The following NR6A1 variants were observed in gnomAD, a reference collection of about 807,000 sequenced individuals.
The protein encoded by NR6A1 is nuclear receptor subfamily 6 group A member 1.
Under a neutral mutation model 59.1 loss-of-function variants are expected in NR6A1, and 7 were observed. The ratio of observed to expected loss-of-function variants is 0.12; its 90% CI spans 0.07 to 0.22. The LOEUF is 0.22. Ranked by LOEUF, NR6A1 falls within the 10% of genes least tolerant of loss-of-function variation. NR6A1 has a pLI of 1.00. For missense variants in NR6A1, 468 were observed against 611.6 expected, an observed-to-expected ratio of 0.77 and a Z score of 2.48; for synonymous variants, 243 against 236.1, an observed-to-expected ratio of 1.03 and a Z score of -0.27.
At chr9:124,723,067 T>C (rs55856148) in intron 2 of NR6A1, among the ~76,000 whole-genome samples, 1,805 of 152,188 alleles carry the variant, frequency 0.012, 39 homozygotes, top group African/African-American at 0.041. Flanking sequence ...TAGTGACATA[T>C]ACTATATATT....
intron 2 of NR6A1, among the ~76,000 whole-genome samples, chr9:124,640,242 C>T (rs548296359): frequency 2.6e-5 from 4 of 152,170 alleles, no homozygotes; most frequent in Non-Finnish European, 5.9e-5. Flanking sequence ...TCCTAATGCT[C>T]TTCAGATTCT....
intron 4 of NR6A1, 110 bp from the exon 5 acceptor site, chr9:124,540,297 C>T: frequency 1.7e-6 from 2 of 1,198,490 alleles, no homozygotes; most frequent in East Asian, 2.5e-5. Flanking sequence ...CCTAGGTTCC[C>T]TCTCCTCCAT....
At chr9:124,546,472 A>G (rs1673313493) in intron 3 of NR6A1, among the ~76,000 whole-genome samples, 1 of 152,200 alleles carries the variant, frequency 6.6e-6, no homozygotes, top group African/African-American at 2.4e-5. Flanking sequence ...TAAATTATAC[A>G]TTTATTCTGA....
chr9:124,615,465 T>C (rs1198099574), intron 2 of NR6A1, among the ~76,000 whole-genome samples: 3 of 152,190 alleles, frequency 2.0e-5, no homozygotes, highest in Non-Finnish European at 4.4e-5. Flanking sequence ...GTGAATTCTA[T>C]AGAGGTCAAA....
At chr9:124,543,321 C>T (rs1833503015) in intron 4 of NR6A1, among the ~76,000 whole-genome samples, 1 of 152,174 alleles carries the variant, frequency 6.6e-6, no homozygotes. Flanking sequence ...CTGTTTCTCC[C>T]ATTAGACTGA....
chr9:124,573,750 T>C (rs1834514626), intron 2 of NR6A1, among the ~76,000 whole-genome samples: 1 of 152,148 alleles, frequency 6.6e-6, no homozygotes, highest in Admixed American at 6.5e-5. Flanking sequence ...AACATACATA[T>C]ACAATGGAAT....
At chr9:124,679,078 T>A (rs1221670660) in intron 2 of NR6A1, among the ~76,000 whole-genome samples, 1 of 152,182 alleles carries the variant, frequency 6.6e-6, no homozygotes, top group African/African-American at 2.4e-5. Flanking sequence ...ATGTGGCTTA[T>A]AAAGAACTTA....
chr9:124,706,587 T>A (rs57937023), intron 2 of NR6A1, among the ~76,000 whole-genome samples: 1,947 of 152,110 alleles, frequency 0.013, 35 homozygotes, highest in African/African-American at 0.044. Context: ...TCTTGGCTCA[T>A]TGCAACCTCC....
intron 2 of NR6A1, among the ~76,000 whole-genome samples, chr9:124,604,726 C>G (rs1442634589): frequency 1.3e-5 from 2 of 151,992 alleles, no homozygotes; most frequent in Non-Finnish European, 2.9e-5. Flanking sequence ...GGGAGGATTG[C>G]TTCTTGAGCC....
chr9:124,724,429 G>GA (rs559475748), intron 2 of NR6A1, among the ~76,000 whole-genome samples: 164 of 113,902 alleles, frequency 1.4e-3, no homozygotes, highest in Middle Eastern at 5.1e-3. Flanking sequence ...TAAAAAAAGA[G>GA]AAAAAAAAAA....
At chr9:124,670,687 T>A (rs749857765) in intron 2 of NR6A1, among the ~76,000 whole-genome samples, 5 of 152,210 alleles carry the variant, frequency 3.3e-5, no homozygotes, top group Middle Eastern at 6.8e-3. Flanking sequence ...AGGGTGTGTT[T>A]AAGAGCAGTG....
chr9:124,526,070 G>A (rs1416226174), intron 8 of NR6A1, among the ~76,000 whole-genome samples: 1 of 152,202 alleles, frequency 6.6e-6, no homozygotes, highest in African/African-American at 2.4e-5. Flanking sequence ...TGGGACACAG[G>A]ACGAGGGCAC....
At position 124,524,860 on chromosome 9, in the gene NR6A1, C is replaced by A; in HGVS notation, c.1215G>T (p.Leu405=). 6.2e-7 allele frequency: 1 copy of A among 1,611,090 alleles called. No individual in the cohort carries two copies. ...ATTGTTCCAGCTGTGAGGCACTGGT[C>A]AGACCCCTGATATCTGTGGAAAAAA... ...INFLNQDIRG[L]TSASQLEQLN... The change falls in exon 9 of 10, where the codon CTG becomes CTT. Residue 405 remains leucine, a synonymous_variant. Coordinates refer to ENST00000487099, the MANE Select transcript of NR6A1 (RefSeq NM_033334.4).
At chr9:124,530,447 C>T (rs1348140183) in intron 7 of NR6A1, among the ~76,000 whole-genome samples, 3 of 152,338 alleles carry the variant, frequency 2.0e-5, no homozygotes, top group South Asian at 2.1e-4. Context: ...AGTTTTAATG[C>T]CCCTGTATTC....
At chr9:124,561,045 G>A (rs1173839539) in intron 2 of NR6A1, among the ~76,000 whole-genome samples, 1 of 152,096 alleles carries the variant, frequency 6.6e-6, no homozygotes, top group Non-Finnish European at 1.5e-5. Context: ...CGTAGTCCCA[G>A]CACTTTGTAA....
chr9:124,583,056 T>G (rs554423091), intron 2 of NR6A1, among the ~76,000 whole-genome samples: 6 of 152,262 alleles, frequency 3.9e-5, no homozygotes, highest in Admixed American at 3.9e-4. Flanking sequence ...CCAAAAACAT[T>G]ATAATGCTTT....
intron 2 of NR6A1, among the ~76,000 whole-genome samples, chr9:124,713,302 GA>G (rs546232208): frequency 7.2e-4 from 103 of 144,052 alleles, no homozygotes; most frequent in African/African-American, 2.5e-3. Context: ...AAAACTTTTA[GA>G]AAAAAAAAAC....
chr9:124,750,047 C>T (rs1164272361), intron 1 of NR6A1, among the ~76,000 whole-genome samples: 2 of 152,114 alleles, frequency 1.3e-5, no homozygotes, highest in African/African-American at 4.8e-5. Flanking sequence ...CTAAGGATAT[C>T]AAATGAGAAG....
chr9:124,535,277 T>C (rs2131343394), intron 7 of NR6A1, among the ~76,000 whole-genome samples: 1 of 151,798 alleles, frequency 6.6e-6, no homozygotes, highest in East Asian at 2.0e-4. Context: ...ATCTCAGTAA[T>C]CCAAGTATAA....
Sources: allele counts gnomAD v4.1 joint callset (sites outside exome capture counted in the v4.1 genomes callset), GRCh38; gene constraint gnomAD v4.1.1; transcripts MANE v1.5; gene names NCBI Gene and HGNC (gene_info 2026-07-23, HGNC 2026-07-21).